The following PDGFC variants were observed in gnomAD, a reference collection of about 807,000 sequenced individuals.
The protein encoded by PDGFC is platelet-derived growth factor C.
In PDGFC, 12 loss-of-function variants were observed where a neutral mutation model predicts 35.5. That is an observed-to-expected ratio of 0.34 (90% CI 0.22 to 0.55). The LOEUF (loss-of-function observed/expected upper bound fraction) is 0.55. Ranked by LOEUF, PDGFC falls within the 20% of genes least tolerant of loss-of-function variation. The probability of loss-of-function intolerance (pLI) is 0.91; values close to 1 mark genes in which losing one functional copy is unlikely to be tolerated. For synonymous variants in PDGFC, 159 were observed against 148.8 expected, an observed-to-expected ratio of 1.07 and a Z score of -0.50; for missense variants, 322 against 412.4, an observed-to-expected ratio of 0.78 and a Z score of 1.90.
At chr4:156,942,267 G>A (rs1204319003) in intron 1 of PDGFC, among the ~76,000 whole-genome samples, 1 of 151,990 alleles carries the variant, frequency 6.6e-6, no homozygotes, top group Non-Finnish European at 1.5e-5. Context: ...AGAGCTCAAC[G>A]CAAACAGGAT....
intron 1 of PDGFC, among the ~76,000 whole-genome samples, chr4:156,906,827 T>C (rs570555341): frequency 6.6e-6 from 1 of 152,274 alleles, no homozygotes; most frequent in African/African-American, 2.4e-5. Context: ...TCTAGAATAA[T>C]ATCTGATATT....
chr4:156,871,946 T>C (rs1729993729), intron 1 of PDGFC, among the ~76,000 whole-genome samples: 2 of 151,976 alleles, frequency 1.3e-5, no homozygotes, highest in South Asian at 4.1e-4. Flanking sequence ...ATTTCTCAAA[T>C]AGTTTTCCTA....
chr4:156,923,629 T>C (rs908320944), intron 1 of PDGFC, among the ~76,000 whole-genome samples: 1 of 152,216 alleles, frequency 6.6e-6, no homozygotes, highest in African/African-American at 2.4e-5. Flanking sequence ...TTCTAAATTC[T>C]ATTCAGTATC....
chr4:156,815,516 G>A (rs1732063413), intron 2 of PDGFC, among the ~76,000 whole-genome samples: 1 of 152,114 alleles, frequency 6.6e-6, no homozygotes, highest in Admixed American at 6.5e-5. Context: ...TGCAGAATAT[G>A]GGATTCACAG....
chr4:156,851,540 G>A (rs1485032248), intron 1 of PDGFC, among the ~76,000 whole-genome samples: 1 of 152,106 alleles, frequency 6.6e-6, no homozygotes, highest in African/African-American at 2.4e-5. Flanking sequence ...CCAACCAGTT[G>A]AGAGTTAATA....
chr4:156,970,023 G>A (rs1374553904), intron 1 of PDGFC, among the ~76,000 whole-genome samples: 1 of 152,200 alleles, frequency 6.6e-6, no homozygotes, highest in Non-Finnish European at 1.5e-5. Context: ...TATGAAAGGA[G>A]CCTTTCTCCA....
intron 2 of PDGFC, among the ~76,000 whole-genome samples, chr4:156,834,034 C>T (rs1729005334): frequency 6.6e-6 from 1 of 152,088 alleles, no homozygotes; most frequent in Non-Finnish European, 1.5e-5. Flanking sequence ...GTATCTTCTT[C>T]CCTCCCTTCT....
rs767333984 is a variant in PDGFC at position 156,970,852 on chromosome 4, G to C, written c.52C>G (p.Gln18Glu). The change falls in exon 1 of 6, where the codon CAG becomes GAG. Residue 18 changes from glutamine (Q) to glutamate (E), a missense_variant. Coordinates refer to ENST00000502773, the MANE Select transcript of PDGFC (RefSeq NM_016205.3). ...AGGTTGGATTCCGCCTGAGTCCCCT[G>C]TCTCTGGCCGGCCAGGGCAGATGTC... ...LLTSALAGQRQGTQAESNLSS... is the reference protein window; with the variant it reads ...LLTSALAGQREGTQAESNLSS... 1.2e-6 allele frequency: 2 copies of C among 1,614,048 alleles called. No homozygotes were observed. Among genetic ancestry groups the C allele is most frequent in the South Asian group, 2.2e-5 (2 of 91,078 alleles).
In PDGFC at chr4:156,919,847, G is replaced by T. The variant is rs141861742; in HGVS notation, c.118+50939C>A. Among the ~76,000 whole-genome samples, 744 of 152,246 alleles carry T rather than the reference G, an allele frequency of 4.9e-3. 3 individuals are homozygous for T. Among genetic ancestry groups the T allele is most frequent in the African/African-American group, 0.017 (693 of 41,544 alleles). On this transcript the variant is annotated intron_variant, in intron 1 of 5. Coordinates refer to ENST00000502773, the MANE Select transcript of PDGFC (RefSeq NM_016205.3). ...CAAGCCTGATACACTTTGTATATTT[G>T]TCCCCTCTAAATCTCATGTTGAAAT...
chr4:156,949,455 T>C (rs532210212), intron 1 of PDGFC, among the ~76,000 whole-genome samples: 1 of 150,554 alleles, frequency 6.6e-6, no homozygotes, highest in African/African-American at 2.4e-5. Context: ...CTCTCGCTCT[T>C]TCTCTCTCTC....
chr4:156,970,678 G>T, intron 1 of PDGFC, 108 bp downstream of exon 1: 1 of 734,200 alleles, frequency 1.4e-6, no homozygotes, highest in Non-Finnish European at 2.5e-6. Context: ...TGTAATGAGA[G>T]ACCAAAGATA....
At chr4:156,922,777 T>C (rs75837849) in intron 1 of PDGFC, among the ~76,000 whole-genome samples, 3,297 of 151,928 alleles carry the variant, frequency 0.022, 60 homozygotes, top group Non-Finnish European at 0.03. Flanking sequence ...AGTGAAGAGA[T>C]CGAGGAAGCA....
At chr4:156,964,272 T>C (rs1490539022) in intron 1 of PDGFC, among the ~76,000 whole-genome samples, 2 of 151,576 alleles carry the variant, frequency 1.3e-5, no homozygotes, top group East Asian at 3.9e-4. Context: ...AAAATAAACA[T>C]CCTTCATCTA....
rs79150389 is a variant in PDGFC at position 156,925,303 on chromosome 4, C to A, written c.118+45483G>T. On this transcript the variant is annotated intron_variant, in intron 1 of 5. Transcript: ENST00000502773. ...TTATGTGCATTTTTTTAAAGACTCT[C>A]TGGTCAAAGTGAATAATGGCAATCA... Among the ~76,000 whole-genome samples, 491 of 152,174 alleles carry A rather than the reference C, an allele frequency of 3.2e-3. 2 individuals carry two copies. The highest frequency in any genetic ancestry group is 0.011 in the African/African-American group (463 of 41,520).
intron 3 of PDGFC, among the ~76,000 whole-genome samples, chr4:156,793,534 C>CATATATATATATATAT (rs66571528): frequency 6.1e-5 from 8 of 130,614 alleles, no homozygotes; most frequent in South Asian, 2.6e-4. Flanking sequence ...GAATTATGTG[C>CATATATATATATATAT]ATATATATAT....
At chr4:156,873,294 A>G (rs1730029948) in intron 1 of PDGFC, among the ~76,000 whole-genome samples, 1 of 152,100 alleles carries the variant, frequency 6.6e-6, no homozygotes, top group Non-Finnish European at 1.5e-5. Context: ...AGGTTTCAGG[A>G]AGAACAGTTT....
intron 1 of PDGFC, among the ~76,000 whole-genome samples, chr4:156,851,835 G>A (rs1219820680): frequency 6.6e-6 from 1 of 150,420 alleles, no homozygotes; most frequent in African/African-American, 2.4e-5. Context: ...GGAGGCTGAG[G>A]CAGGAGAATG....
chr4:156,778,636 A>C (rs1042311619), intron 3 of PDGFC, among the ~76,000 whole-genome samples: 3 of 152,178 alleles, frequency 2.0e-5, no homozygotes, highest in Non-Finnish European at 4.4e-5. Context: ...GTACTATCTG[A>C]ACTACTTATA....
intron 1 of PDGFC, among the ~76,000 whole-genome samples, chr4:156,963,332 T>C (rs931082317): frequency 3.3e-5 from 5 of 151,356 alleles, no homozygotes; most frequent in Non-Finnish European, 5.9e-5. Context: ...TAGCAGGGAG[T>C]GGTGGCACAC....
Sources: gnomAD v4.1 joint callset for allele counts (sites outside exome capture counted in the v4.1 genomes callset) on GRCh38, gnomAD v4.1.1 for gene constraint, MANE v1.5 for transcripts, NCBI Gene and HGNC (gene_info 2026-07-23, HGNC 2026-07-21) for gene names.